The following PCDHGC5 variants were observed in gnomAD, a reference collection of about 807,000 sequenced individuals.
PCDHGC5 encodes protocadherin gamma-C5.
A neutral mutation model predicts 59.0 loss-of-function variants in PCDHGC5; 25 were observed. The observed-to-expected ratio is 0.42, with a 90% CI of 0.31 to 0.59. The LOEUF is 0.59. PCDHGC5 is among the 20% of genes least tolerant of loss of function. PCDHGC5 has a pLI of 0.13. For synonymous variants in PCDHGC5, 434 were observed against 505.5 expected (o/e 0.86, Z 1.90); for missense variants, 1,067 against 1,206.4 (o/e 0.88, Z 1.71).
At position 141,511,005 on chromosome 5, in the gene PCDHGC5, C is replaced by T; in HGVS notation, c.2667C>T (p.Ala889=). ...GGGAGTMGLS[A]RYGPQFTLQH... The stretch of plus-strand genomic sequence containing the variant: ...GTGCCGGCACCATGGGATTGAGCGC[C>T]CGCTACGGACCCCAGTTCACCCTGC... Residue 889 remains alanine, a synonymous_variant, in exon 4 of 4, where the codon GCC becomes GCT. Coordinates refer to ENST00000252087, the MANE Select transcript of PCDHGC5 (RefSeq NM_018929.3). The T allele has an allele frequency of 6.2e-7, 1 of 1,614,176 alleles. No individual in the cohort carries two copies.
rs556484142 is a variant in PCDHGC5 at position 141,503,243 on chromosome 5, CA to C, written c.2520-2149del. On this transcript the variant is annotated intron_variant, in intron 2 of 3. Coordinates refer to ENST00000252087, the MANE Select transcript of PCDHGC5 (RefSeq NM_018929.3). ...CACCGTAAAGATGGACAGTTTCTAT[CA>C]TACTCACAGCCACAACCCCAGCACC... Among the ~76,000 whole-genome samples, 232 of 152,196 alleles carry C rather than the reference CA, an allele frequency of 1.5e-3. 2 individuals carry two copies. Among genetic ancestry groups the C allele is most frequent in the African/African-American group, 5.3e-3 (219 of 41,516 alleles).
At chr5:141,497,969 C>T (rs1595499086) in intron 2 of PCDHGC5, among the ~76,000 whole-genome samples, 1 of 152,160 alleles carries the variant, frequency 6.6e-6, no homozygotes. Flanking sequence ...GCAGTGTTCT[C>T]GATGTGGGAG....
At position 141,491,318 on chromosome 5, in the gene PCDHGC5, A is replaced by C; in HGVS notation, c.2078A>C (p.Tyr693Ser). The C allele has an allele frequency of 6.2e-7, 1 of 1,613,862 alleles. No individual in the cohort carries two copies. The highest frequency in any genetic ancestry group is 8.5e-7 in the Non-Finnish European group (1 of 1,179,916). The change falls in exon 1 of 4, where the codon TAC (tyrosine) becomes TCC (serine). Residue 693 changes from tyrosine (Y) to serine (S), a missense_variant. Tyr to Ser is a moderately radical substitution (Grantham distance 144). Transcript: ENST00000252087. The surrounding 1 kb of genome is among the most constrained non-coding windows in gnomAD (Gnocchi z 6.9). The part of the protein sequence containing the change: ...HPPERSDLTL[Y>S]LIVALATVSL... ...CCTGAGCGTTCAGACCTTACCCTTT[A>C]CCTCATTGTGGCTCTAGCGACCGTC...
At position 141,511,481 on chromosome 5, in the gene PCDHGC5, ACTC is replaced by A. The variant is rs2154594681; in HGVS notation, c.*313_*315del. On this transcript the variant is annotated 3_prime_UTR_variant, in exon 4 of 4. Coordinates refer to ENST00000252087, the MANE Select transcript of PCDHGC5 (RefSeq NM_018929.3). ...CCACACCCCGTTTAGTTACAGCTGAACTCCTCCATCTTCCAAATCAATCAGGCC... is the reference window on the plus strand; with the variant it reads ...CCACACCCCGTTTAGTTACAGCTGAACTCCATCTTCCAAATCAATCAGGCC... 2 of 464,080 alleles carry A rather than the reference ACTC, an allele frequency of 4.3e-6. No individual in the cohort carries two copies. The highest frequency in any genetic ancestry group is 7.7e-6 in the Non-Finnish European group (2 of 260,856). The allele number at this position is 464,080 out of a possible 1,614,324, so 28.7% of individuals were successfully genotyped here.
chr5:141,495,817 T>G (rs2099764054), intron 2 of PCDHGC5, among the ~76,000 whole-genome samples: 1 of 152,110 alleles, frequency 6.6e-6, no homozygotes, highest in African/African-American at 2.4e-5. Context: ...TAGCGCCTTG[T>G]GTTCTTCTAT....
In PCDHGC5 at chr5:141,489,153, G is replaced by A; in HGVS notation, c.-88G>A. The A allele has an allele frequency of 1.1e-6, 1 of 935,832 alleles. No homozygotes were observed. The highest frequency in any genetic ancestry group is 1.6e-6 in the Non-Finnish European group (1 of 627,178). 58.0% of individuals were successfully genotyped at this position (935,832 alleles called of 1,614,324 possible). A position where few individuals can be genotyped will look rare whatever the true frequency, so the allele number is the denominator to read the frequency against. ...TTTAAGAGGCTGGAAGGAGACATAA[G>A]AGACTTCAGCTGCTGCATTCCAAGC... On this transcript the variant is annotated 5_prime_UTR_variant, in exon 1 of 4. Coordinates refer to ENST00000252087, the MANE Select transcript of PCDHGC5 (RefSeq NM_018929.3). This position sits in a 1 kb window ranked among gnomAD's most constrained non-coding sequence, Gnocchi z 4.5.
chr5:141,502,955 T>C (rs2099817293), intron 2 of PCDHGC5, among the ~76,000 whole-genome samples: 1 of 149,868 alleles, frequency 6.7e-6, no homozygotes, highest in Non-Finnish European at 1.5e-5. Context: ...GCGATTCTCC[T>C]GCCTCAGCCT....
intron 2 of PCDHGC5, among the ~76,000 whole-genome samples, chr5:141,498,404 C>T (rs1283586713): frequency 6.6e-6 from 1 of 152,104 alleles, no homozygotes; most frequent in African/African-American, 2.4e-5. Context: ...AGGGAGTTTT[C>T]TCTTTGCTGG....
intron 3 of PCDHGC5, among the ~76,000 whole-genome samples, chr5:141,509,693 G>A (rs72790076): frequency 0.024 from 3,613 of 152,246 alleles, 55 homozygotes; most frequent in East Asian, 0.046. Flanking sequence ...ACAGTGGGAC[G>A]TTGGACTGGA....
In PCDHGC5 at chr5:141,489,684, T is replaced by C. The variant is rs2099690710; in HGVS notation, c.444T>C (p.Ser148=). 1.2e-6 allele frequency: 2 copies of C among 1,614,062 alleles called. No individual in the cohort carries two copies. The highest frequency in any genetic ancestry group is 8.5e-7 in the Non-Finnish European group (1 of 1,180,034). The change falls in exon 1 of 4, where the codon TCT becomes TCC. Residue 148 remains serine (S), a synonymous_variant. Coordinates refer to ENST00000252087, the MANE Select transcript of PCDHGC5 (RefSeq NM_018929.3). This position sits in a 1 kb window ranked among gnomAD's most constrained non-coding sequence, Gnocchi z 4.5. ...REMRISESAA[S]GARFPLDSAQ... is the part of the protein sequence containing the mutation. ...TGCGCATCTCAGAATCAGCAGCATCTGGGGCACGATTCCCACTGGACAGTG... is the reference window on the plus strand; with the variant it reads ...TGCGCATCTCAGAATCAGCAGCATCCGGGGCACGATTCCCACTGGACAGTG...
intron 2 of PCDHGC5, among the ~76,000 whole-genome samples, chr5:141,504,369 A>G (rs968327872): frequency 6.6e-5 from 10 of 152,272 alleles, no homozygotes; most frequent in Non-Finnish European, 1.2e-4. Context: ...AGTAGGAAGC[A>G]GGTGGAGTCG....
chr5:141,504,546 G>A (rs911626023), intron 2 of PCDHGC5, among the ~76,000 whole-genome samples: 5 of 151,802 alleles, frequency 3.3e-5, no homozygotes, highest in African/African-American at 1.2e-4. Flanking sequence ...CATGGCAAAT[G>A]TTGGGGGACT....
chr5:141,510,814 CT>C, intron 3 of PCDHGC5, 132 bp from the exon 4 acceptor site: 1 of 1,544,688 alleles, frequency 6.5e-7, no homozygotes, highest in Non-Finnish European at 8.8e-7. Context: ...TTGGTGACCC[CT>C]ATATTCCCAG....
rs757663132 is a variant in PCDHGC5 at position 141,510,991 on chromosome 5, A to G, written c.2653A>G (p.Met885Val). ...CACCCTGGGAGGGGGTGCCGGCACC[A>G]TGGGATTGAGCGCCCGCTACGGACC... is the stretch of plus-strand genomic sequence containing the variant. ...SSTLGGGAGT[M>V]GLSARYGPQF... is the part of the protein sequence containing the mutation. Residue 885 changes from methionine (M) to valine (V), a missense_variant, in exon 4 of 4, where the codon ATG becomes GTG. Coordinates refer to ENST00000252087, the MANE Select transcript of PCDHGC5 (RefSeq NM_018929.3). 1.2e-6 allele frequency: 2 copies of G among 1,614,136 alleles called. No individual in the cohort carries two copies. Among genetic ancestry groups the G allele is most frequent in the Admixed American group, 3.3e-5 (2 of 60,022 alleles).
rs769671283 is a variant in PCDHGC5, at chr5:141,511,391, C to A, written c.*218C>A. 1 of 1,079,748 alleles carries A rather than the reference C, an allele frequency of 9.3e-7. No homozygotes were observed. The allele number at this position is 1,079,748 out of a possible 1,614,324, so 66.9% of individuals were successfully genotyped here. On this transcript the variant is annotated 3_prime_UTR_variant, in exon 4 of 4. Transcript: ENST00000252087. ...TGCAAAAGCAGTTCCGCTGGGAACC[C>A]CCATCCAATCAACTGCTGTACCCAT...
At chr5:141,498,248 G>A (rs1484987588) in intron 2 of PCDHGC5, among the ~76,000 whole-genome samples, 2 of 152,208 alleles carry the variant, frequency 1.3e-5, no homozygotes, top group Non-Finnish European at 2.9e-5. Flanking sequence ...CTTCAAAGCA[G>A]GGCTGGTGTT....
intron 1 of PCDHGC5, among the ~76,000 whole-genome samples, chr5:141,494,361 G>A (rs1311268562): frequency 6.6e-6 from 1 of 152,184 alleles, no homozygotes; most frequent in African/African-American, 2.4e-5. Flanking sequence ...TGCTGCAGAG[G>A]ATGCTTTGTT....
intron 2 of PCDHGC5, among the ~76,000 whole-genome samples, chr5:141,496,856 G>A (rs1324235700): frequency 6.7e-6 from 1 of 150,206 alleles, no homozygotes; most frequent in African/African-American, 2.5e-5. Context: ...CAGACCAGCA[G>A]AGGAGACTGA....
At chr5:141,508,242 GC>G (rs1344624071) in intron 3 of PCDHGC5, 1 of 152,310 alleles carries the variant, frequency 6.6e-6, no homozygotes, top group African/African-American at 2.4e-5. Context: ...TCCTAAGTCT[GC>G]CTCTCCTGGG....
Sources: allele counts gnomAD v4.1 joint callset (sites outside exome capture counted in the v4.1 genomes callset), GRCh38; gene constraint gnomAD v4.1.1; non-coding constraint Gnocchi (gnomAD v3.1); transcripts MANE v1.5; gene names NCBI Gene and HGNC (gene_info 2026-07-23, HGNC 2026-07-21).